ASAH2: variants seen among roughly 807,000 people sequenced by gnomAD.
ASAH2 encodes neutral ceramidase.
Under a neutral mutation model 82.9 loss-of-function variants are expected in ASAH2, and 58 were observed. The ratio of observed to expected loss-of-function variants is 0.70; its 90% confidence interval spans 0.57 to 0.87. The LOEUF is 0.87. ASAH2 is among the 40% of genes least tolerant of loss of function. The pLI is 0.00. For missense variants in ASAH2, 779 were observed against 834.0 expected (o/e 0.93, Z 0.81); for synonymous variants, 276 against 289.7 (o/e 0.95, Z 0.48).
At chr10:50,208,769 T>C (rs1845377975) in intron 12 of ASAH2, among the ~76,000 whole-genome samples, 1 of 152,134 alleles carries the variant, frequency 6.6e-6, no homozygotes, top group Non-Finnish European at 1.5e-5. Flanking sequence ...GATATTCCCA[T>C]CGGAATCCCA....
chr10:50,234,679 A>C (rs1846104420), intron 5 of ASAH2, 127 bp from the exon 6 acceptor site: 9 of 1,336,374 alleles, frequency 6.7e-6, no homozygotes, highest in Non-Finnish European at 9.6e-6. Context: ...ACATTACGGG[A>C]TAAAAGCTGG....
At chr10:50,203,738 G>A in intron 14 of ASAH2, 59 bp from the exon 15 acceptor site, 1 of 1,509,266 alleles carries the variant, frequency 6.6e-7, no homozygotes, top group Non-Finnish European at 9.2e-7. Context: ...AGAGTACACA[G>A]AAACACTGGC....
chr10:50,223,083 C>A (rs975188546), intron 7 of ASAH2, among the ~76,000 whole-genome samples: 1 of 152,058 alleles, frequency 6.6e-6, no homozygotes, highest in African/African-American at 2.4e-5. Flanking sequence ...GGGACCTTAT[C>A]CTAGTTTGTA....
At chr10:50,202,973 A>C in intron 15 of ASAH2, 49 bp from the exon 16 acceptor site, 2 of 1,167,274 alleles carry the variant, frequency 1.7e-6, no homozygotes, top group South Asian at 2.4e-5. Context: ...ATCTTTACGT[A>C]TATTTTCATT....
intron 12 of ASAH2, among the ~76,000 whole-genome samples, chr10:50,207,449 G>A (rs1845329480): frequency 1.3e-5 from 2 of 151,732 alleles, no homozygotes. Flanking sequence ...AAGAAAAACA[G>A]AGAGAAGACT....
chr10:50,248,480 T>A lies in ASAH2; in HGVS notation c.127+4A>T. The A allele has an allele frequency of 6.2e-7, 1 of 1,613,500 alleles. No individual in the cohort carries two copies. The highest frequency in any genetic ancestry group is 1.1e-5 in the South Asian group (1 of 90,968). On this transcript the variant is annotated splice_donor_region_variant and intron_variant, in intron 2 of 20. Coordinates refer to ENST00000682911, the MANE Select transcript of ASAH2 (RefSeq NM_019893.4). ...TTGCATCTAAGAGAGCCCATGACACTTGCCTTTGTGGTTTTCAATGGTCCC... is the reference window on the plus strand; with the variant it reads ...TTGCATCTAAGAGAGCCCATGACACATGCCTTTGTGGTTTTCAATGGTCCC...
rs1844768485 is a variant in ASAH2, at chr10:50,187,114, TCTCTCACACACACACA to T, written c.*185_*200del. On this transcript the variant is annotated 3_prime_UTR_variant, in exon 21 of 21. Transcript: ENST00000682911. ...CTCTCTCTCTCTCTCTCTCTCTCTCTCTCTCACACACACACACACACACACACACACACACACACAC... is the reference window on the plus strand; with the variant it reads ...CTCTCTCTCTCTCTCTCTCTCTCTCTCACACACACACACACACACACACAC... The T allele has an allele frequency of 1.5e-5, 4 of 262,114 alleles. No homozygotes were observed. Among genetic ancestry groups the T allele is most frequent in the African/African-American group, 1.1e-4 (3 of 27,662 alleles). 16.2% of individuals were successfully genotyped at this position (262,114 alleles called of 1,614,324 possible).
intron 6 of ASAH2, 113 bp downstream of exon 6, chr10:50,234,312 G>GTAATACTCT: frequency 6.9e-7 from 1 of 1,445,208 alleles, no homozygotes; most frequent in Non-Finnish European, 9.7e-7. Context: ...TATCATAGCT[G>GTAATACTCT]TAATACTCTC....
chr10:50,200,967 C>A (rs1369639537), intron 16 of ASAH2, among the ~76,000 whole-genome samples: 1 of 151,996 alleles, frequency 6.6e-6, no homozygotes, highest in African/African-American at 2.4e-5. Context: ...CCCCCCTATC[C>A]TGTACCCATA....
At chr10:50,210,726 A>T (rs1845430551) in intron 12 of ASAH2, 97 bp downstream of exon 12, 6 of 1,136,136 alleles carry the variant, frequency 5.3e-6, no homozygotes, top group Admixed American at 1.7e-5. Context: ...GAGTTTAAAA[A>T]TTAATAAATG....
At chr10:50,231,707 C>A (rs1846026142) in intron 7 of ASAH2, among the ~76,000 whole-genome samples, 1 of 152,054 alleles carries the variant, frequency 6.6e-6, no homozygotes, top group Non-Finnish European at 1.5e-5. Context: ...AAGAATAAGT[C>A]CATTATGTCA....
intron 16 of ASAH2, among the ~76,000 whole-genome samples, chr10:50,200,874 C>G (rs1404602410): frequency 6.6e-6 from 1 of 152,086 alleles, no homozygotes; most frequent in African/African-American, 2.4e-5. Context: ...ACCCTTAAGC[C>G]TGGAAACCTG....
At chr10:50,220,689 C>T (rs902072893) in intron 7 of ASAH2, among the ~76,000 whole-genome samples, 8 of 151,802 alleles carry the variant, frequency 5.3e-5, no homozygotes, top group African/African-American at 1.7e-4. Flanking sequence ...AATACCTGGG[C>T]GATGAAATAA....
intron 12 of ASAH2, 143 bp downstream of exon 12, chr10:50,210,680 A>G (rs893245965): frequency 3.7e-6 from 3 of 810,046 alleles, no homozygotes; most frequent in African/African-American, 3.4e-5. Context: ...GGTGCGGTAC[A>G]TGGTCATGTA....
intron 12 of ASAH2, among the ~76,000 whole-genome samples, chr10:50,210,495 T>G (rs1845423779): frequency 6.6e-6 from 1 of 151,782 alleles, no homozygotes; most frequent in Non-Finnish European, 1.5e-5. Context: ...AGCAAAATTC[T>G]GTCTCAAAAA....
At chr10:50,199,193 T>C (rs1845076076) in intron 16 of ASAH2, 47 bp from the exon 17 acceptor site, 1 of 1,602,016 alleles carries the variant, frequency 6.2e-7, no homozygotes, top group Admixed American at 1.7e-5. Context: ...CTTATTTAAA[T>C]CCATTTACAG....
chr10:50,216,998 C>T (rs1845617489), intron 8 of ASAH2, among the ~76,000 whole-genome samples: 1 of 152,090 alleles, frequency 6.6e-6, no homozygotes, highest in Admixed American at 6.6e-5. Flanking sequence ...AATTTGATCT[C>T]CATTGTGGCA....
At chr10:50,245,884 C>T (rs2133234910) in intron 2 of ASAH2, among the ~76,000 whole-genome samples, 1 of 152,290 alleles carries the variant, frequency 6.6e-6, no homozygotes, top group South Asian at 2.1e-4. Context: ...CAGAGTTAGT[C>T]CATTTCCATC....
chr10:50,230,997 C>T (rs931923121), intron 7 of ASAH2, among the ~76,000 whole-genome samples: 9 of 149,950 alleles, frequency 6.0e-5, no homozygotes, highest in South Asian at 2.1e-4. Flanking sequence ...GCTATGATCA[C>T]GCCATTGCTC....
Sources: allele counts gnomAD v4.1 joint callset (sites outside exome capture counted in the v4.1 genomes callset), GRCh38; gene constraint gnomAD v4.1.1; transcripts MANE v1.5; gene names NCBI Gene and HGNC (gene_info 2026-07-23, HGNC 2026-07-21).